PMFBP1: variants seen among roughly 807,000 people sequenced by gnomAD.
PMFBP1 encodes the protein polyamine-modulated factor 1-binding protein 1.
PMFBP1 carries 131 observed loss-of-function variants against 137.8 expected under a neutral mutation model. That is an observed-to-expected ratio of 0.95 (90% CI 0.82 to 1.10). The LOEUF is 1.10. Ranked by LOEUF, PMFBP1 falls within the 50% of genes least tolerant of loss-of-function variation. The probability of loss-of-function intolerance (pLI) is 0.00; values close to 1 mark genes in which losing one functional copy is unlikely to be tolerated. For synonymous variants in PMFBP1, 490 were observed against 450.4 expected (o/e 1.09, Z -1.11); for missense variants, 1,199 against 1,175.4 (o/e 1.02, Z -0.29).
At chr16:72,170,814 A>C (rs1333696165) in intron 2 of PMFBP1, among the ~76,000 whole-genome samples, 1 of 152,190 alleles carries the variant, frequency 6.6e-6, no homozygotes, top group African/African-American at 2.4e-5. Context: ...GAATGTTAGC[A>C]ACAATAGTTA....
intron 2 of PMFBP1, 59 bp downstream of exon 2, chr16:72,171,138 A>G (rs2043215176): frequency 1.9e-6 from 3 of 1,571,852 alleles, no homozygotes; most frequent in Non-Finnish European, 2.6e-6. Context: ...TAAAACATGA[A>G]AAAAGTCCCT....
At chr16:72,245,055 T>C in the PMFBP1 span, among the ~76,000 whole-genome samples, 4 of 152,132 alleles carry the variant, frequency 2.6e-5, no homozygotes, top group African/African-American at 7.2e-5. Context: ...CGTGTAATCC[T>C]GGTGGGGGCA....
At chr16:72,188,602 G>A in the PMFBP1 span, among the ~76,000 whole-genome samples, 1 of 152,182 alleles carries the variant, frequency 6.6e-6, no homozygotes, top group Non-Finnish European at 1.5e-5. Context: ...ATGAAGGATG[G>A]AAAATAAAAC....
chr16:72,207,710 ATGTG>A, the PMFBP1 span, among the ~76,000 whole-genome samples: 393 of 143,974 alleles, frequency 2.7e-3, no homozygotes, highest in Middle Eastern at 0.018. Context: ...CCAGTAGGGC[ATGTG>A]TGTGTGTGTG....
chr16:72,165,012 G>A, intron 2 of PMFBP1, 96 bp from the exon 3 acceptor site: 1 of 1,343,330 alleles, frequency 7.4e-7, no homozygotes, highest in Non-Finnish European at 9.9e-7. Flanking sequence ...GAAATTTGCT[G>A]GAAATTTGTC....
At chr16:72,151,266 T>C (rs1443440103) in intron 4 of PMFBP1, among the ~76,000 whole-genome samples, 2 of 152,194 alleles carry the variant, frequency 1.3e-5, no homozygotes, top group East Asian at 1.9e-4. Context: ...TCCCAAGAGA[T>C]AGGTGGGGAA....
chr16:72,169,126 A>G (rs2043185675), intron 2 of PMFBP1, among the ~76,000 whole-genome samples: 1 of 152,228 alleles, frequency 6.6e-6, no homozygotes, highest in African/African-American at 2.4e-5. Context: ...GATTCAACCA[A>G]TAACACCATA....
chr16:72,139,190 A>G lies in PMFBP1; in HGVS notation c.918+99T>C, dbSNP rs927521773. On this transcript the variant is annotated intron_variant, in intron 7 of 20. Transcript: ENST00000237353. ...AGCTCACACAGATATAAAATAAAAT[A>G]TAAATTGTCATATAAAAATAAAAAA... The G allele has an allele frequency of 5.8e-6, 5 of 855,790 alleles. No homozygotes were observed. In the Admixed American group the frequency reaches 7.9e-5, roughly 14 times the overall value. The allele number at this position is 855,790 out of a possible 1,614,324, so 53.0% of individuals were successfully genotyped here. A position where few individuals can be genotyped will look rare whatever the true frequency, so the allele number is the denominator to read the frequency against.
the PMFBP1 span, among the ~76,000 whole-genome samples, chr16:72,233,225 C>A: frequency 6.6e-6 from 1 of 152,270 alleles, no homozygotes; most frequent in African/African-American, 2.4e-5. Flanking sequence ...CACATACCAA[C>A]ACCCCTAGCC....
At chr16:72,191,922 A>G in the PMFBP1 span, among the ~76,000 whole-genome samples, 1 of 152,228 alleles carries the variant, frequency 6.6e-6, no homozygotes, top group East Asian at 1.9e-4. Flanking sequence ...TGAGTGTGCA[A>G]TGCATAATCC....
intron 1 of PMFBP1, 114 bp from the exon 2 acceptor site, chr16:72,171,382 C>G: frequency 1.5e-6 from 1 of 648,074 alleles, no homozygotes. Flanking sequence ...TTTTCCTGAA[C>G]TGTTAGCAAT....
the PMFBP1 span, among the ~76,000 whole-genome samples, chr16:72,186,150 A>C: frequency 6.6e-6 from 1 of 152,174 alleles, no homozygotes; most frequent in Admixed American, 6.5e-5. Flanking sequence ...ACTCTGGTCC[A>C]GTCAAGTTTT....
chr16:72,182,145 A>G, the PMFBP1 span, among the ~76,000 whole-genome samples: 1 of 152,096 alleles, frequency 6.6e-6, no homozygotes, highest in Middle Eastern at 3.2e-3. Flanking sequence ...TTTAAACCAG[A>G]CCTATTCTCC....
Position 72,150,695 on chromosome 16 carries a change from A to G in PMFBP1, c.549T>C (p.Asp183=). 1 of 1,614,104 alleles carries G rather than the reference A, an allele frequency of 6.2e-7. No homozygotes were observed. Among genetic ancestry groups the G allele is most frequent in the Non-Finnish European group, 8.5e-7 (1 of 1,180,000 alleles). The change falls in exon 5 of 21, where the codon GAT becomes GAC. Residue 183 remains aspartate, a synonymous_variant. Transcript: ENST00000237353. ...TGTTGCTCAGGGAAGACTGGTATTT[A>G]TCCCTGTAGAGGTTTAAGCTCCTCT... ...SLERSLNLYR[D]KYQSSLSNIE...
At chr16:72,122,039 C>T (rs8061282) in intron 19 of PMFBP1, among the ~76,000 whole-genome samples, 49,725 of 152,000 alleles carry the variant, frequency 0.33, 9,376 homozygotes, top group African/African-American at 0.52. Context: ...TTGCTCCTCT[C>T]CCTCCTCCCA....
rs184466993 is a variant in PMFBP1, at chr16:72,139,197, G to T, written c.918+92C>A. Reference sequence around the variant, plus strand: ...ACAGATATAAAATAAAATATAAATTGTCATATAAAAATAAAAAATAAGTAG... The same window carrying T: ...ACAGATATAAAATAAAATATAAATTTTCATATAAAAATAAAAAATAAGTAG... On this transcript the variant is annotated intron_variant, in intron 7 of 20. Coordinates refer to ENST00000237353, the MANE Select transcript of PMFBP1 (RefSeq NM_031293.3). The T allele has an allele frequency of 2.2e-4, 193 of 878,302 alleles. 2 individuals carry two copies. The African/African-American group carries it at 2.9e-3, about 13-fold the overall frequency. The allele number at this position is 878,302 out of a possible 1,614,324, so 54.4% of individuals were successfully genotyped here.
At chr16:72,135,361 T>G (rs201289312) in intron 9 of PMFBP1, among the ~76,000 whole-genome samples, 86 of 141,822 alleles carry the variant, frequency 6.1e-4, no homozygotes, top group African/African-American at 1.0e-3. Flanking sequence ...GTGTGTGTGT[T>G]TTTTTTTTTT....
intron 15 of PMFBP1, 52 bp downstream of exon 15, chr16:72,125,916 T>A: frequency 6.3e-7 from 1 of 1,589,016 alleles, no homozygotes; most frequent in Non-Finnish European, 8.6e-7. Context: ...CCCGCTACCT[T>A]GACGTTTCCT....
chr16:72,208,359 G>A, the PMFBP1 span, among the ~76,000 whole-genome samples: 2 of 99,738 alleles, frequency 2.0e-5, no homozygotes, highest in African/African-American at 9.5e-5. Flanking sequence ...AATCTGAATG[G>A]GCAGCAGGGT....
Sources: gnomAD v4.1 joint callset for allele counts (sites outside exome capture counted in the v4.1 genomes callset) on GRCh38, gnomAD v4.1.1 for gene constraint, MANE v1.5 for transcripts, NCBI Gene and HGNC (gene_info 2026-07-23, HGNC 2026-07-21) for gene names.